Variants in DMD observed in about 807,000 individuals in gnomAD.
DMD encodes the protein mutant dystrophin.
Under a neutral mutation model 330.1 loss-of-function variants are expected in DMD, and 63 were observed. The ratio of observed to expected loss-of-function variants is 0.19; its 90% CI spans 0.16 to 0.24. The LOEUF (loss-of-function observed/expected upper bound fraction) is 0.24. DMD is among the 10% of genes least tolerant of loss of function. The probability of loss-of-function intolerance (pLI) is 1.00; values close to 1 mark genes in which losing one functional copy is unlikely to be tolerated. For synonymous variants in DMD, 1,223 were observed against 959.8 expected (o/e 1.27, Z -5.07); for missense variants, 3,344 against 2,684.1 (o/e 1.25, Z -5.43).
At chrX:33,180,508 C>T (rs1235651464) in intron 1 of DMD, among the ~76,000 whole-genome samples, 1 of 111,215 alleles carries the variant, frequency 9.0e-6, no homozygotes, top group African/African-American at 3.3e-5. Flanking sequence ...ATGCCTGCTA[C>T]CCATTTCATC....
intron 2 of DMD, among the ~76,000 whole-genome samples, chrX:32,851,497 G>A (rs765235076): frequency 8.9e-6 from 1 of 112,126 alleles, no homozygotes. Context: ...CAAATACATG[G>A]AACCTTCCAG....
chrX:32,972,707 T>C (rs1190304951), intron 2 of DMD, among the ~76,000 whole-genome samples: 1 of 112,023 alleles, frequency 8.9e-6, no homozygotes, highest in East Asian at 2.8e-4. Flanking sequence ...TAACATTTAT[T>C]AGTGGGACGA....
At chrX:33,079,656 A>G (rs777857283) in intron 1 of DMD, among the ~76,000 whole-genome samples, 5 of 111,842 alleles carry the variant, frequency 4.5e-5, no homozygotes, top group African/African-American at 6.5e-5. Context: ...CCTAATATCT[A>G]AAAGATTAGG....
In DMD at chrX:32,454,793, T is replaced by C. The variant is rs182728059; in HGVS notation, c.3472A>G (p.Lys1158Glu). 36 of 1,205,251 alleles carry C rather than the reference T, an allele frequency of 3.0e-5. No individual in the cohort carries two copies. In the East Asian group the frequency reaches 9.8e-4, roughly 33 times the overall value. Reference sequence around the variant, plus strand: ...AGATCTTTCTGGAGGCTTACAGTTTTCTCCAAACCTCCCTTCAAGGCCTCC... The same window carrying C: ...AGATCTTTCTGGAGGCTTACAGTTTCCTCCAAACCTCCCTTCAAGGCCTCC... The part of the protein sequence containing the change: ...RKEALKGGLE[K>E]TVSLQKDLSE... Residue 1158 changes from lysine (K) to glutamate (E), a missense_variant, in exon 26 of 79, where the codon AAA becomes GAA. Physicochemically the swap from Lys to Glu is moderately conservative, Grantham distance 56. Transcript: ENST00000357033.
chrX:32,723,213 T>C (rs890862307), intron 7 of DMD, among the ~76,000 whole-genome samples: 4 of 111,773 alleles, frequency 3.6e-5, no homozygotes, highest in Non-Finnish European at 7.5e-5. Context: ...ATCTTTCTGT[T>C]AATGTAGTAT....
At chrX:32,977,727 C>A (rs1052501460) in intron 2 of DMD, among the ~76,000 whole-genome samples, 12 of 108,922 alleles carry the variant, frequency 1.1e-4, no homozygotes, top group Non-Finnish European at 2.3e-4. Context: ...ATATATATAT[C>A]ACACTGATAT....
chrX:32,390,057 G>A lies in DMD; in HGVS notation c.4344+14C>T, dbSNP rs1261048046. 8.5e-7 allele frequency: 1 copy of A among 1,176,650 alleles called. No individual in the cohort carries two copies. ...AACGAAAACACGTTCCTTAGTTTCT[G>A]AAATAACATATACCTGTGCAACATC... On this transcript the variant is annotated intron_variant, in intron 31 of 78. Coordinates refer to ENST00000357033, the MANE Select transcript of DMD (RefSeq NM_004006.3).
intron 62 of DMD, among the ~76,000 whole-genome samples, chrX:31,310,914 A>C (rs1437396711): frequency 9.0e-6 from 1 of 110,981 alleles, no homozygotes; most frequent in Non-Finnish European, 1.9e-5. Context: ...TTATCTTCAA[A>C]AACATATTAA....
chrX:32,085,463 T>A (rs1055759602), intron 44 of DMD, among the ~76,000 whole-genome samples: 8 of 108,201 alleles, frequency 7.4e-5, no homozygotes, highest in Non-Finnish European at 1.5e-4. Flanking sequence ...CAGTCTCCAA[T>A]GCTTATCACT....
chrX:31,888,918 C>T (rs5972459), intron 47 of DMD, among the ~76,000 whole-genome samples: 31,772 of 111,030 alleles, frequency 0.29, 3,391 homozygotes, highest in African/African-American at 0.32. Flanking sequence ...CTTTTTAAAG[C>T]ATGTGGATTT....
intron 44 of DMD, among the ~76,000 whole-genome samples, chrX:31,975,172 G>C (rs1220183014): frequency 9.0e-6 from 1 of 110,969 alleles, no homozygotes; most frequent in Non-Finnish European, 1.9e-5. Flanking sequence ...TTTAAATCTG[G>C]TCCCAGACAT....
At chrX:32,196,860 C>A (rs1442030888) in intron 44 of DMD, among the ~76,000 whole-genome samples, 1 of 108,581 alleles carries the variant, frequency 9.2e-6, no homozygotes, top group Non-Finnish European at 1.9e-5. Flanking sequence ...GTAGCCAGCG[C>A]CTGTAGTACC....
intron 53 of DMD, among the ~76,000 whole-genome samples, chrX:31,675,120 G>A (rs1439691441): frequency 8.9e-6 from 1 of 112,047 alleles, no homozygotes; most frequent in African/African-American, 3.2e-5. Context: ...TCATGTTTTT[G>A]TTTTAGAAAA....
intron 60 of DMD, among the ~76,000 whole-genome samples, chrX:31,361,770 C>CT (rs1174751121): frequency 0.032 from 2,947 of 93,346 alleles, 183 homozygotes; most frequent in African/African-American, 0.099. Flanking sequence ...CTCTTACCAT[C>CT]TTTTTTTTTT....
intron 61 of DMD, among the ~76,000 whole-genome samples, chrX:31,336,913 C>CTT (rs1342111560): frequency 1.0e-5 from 1 of 100,136 alleles, no homozygotes; most frequent in Non-Finnish European, 2.0e-5. Context: ...CCATGTTATT[C>CTT]TTTTCTTTCT....
intron 2 of DMD, among the ~76,000 whole-genome samples, chrX:33,018,706 T>C (rs1349384768): frequency 8.9e-6 from 1 of 111,958 alleles, no homozygotes; most frequent in Non-Finnish European, 1.9e-5. Flanking sequence ...TTTGAAAATA[T>C]GTCTCTTGTC....
intron 41 of DMD, among the ~76,000 whole-genome samples, chrX:32,325,393 T>C (rs1165516591): frequency 2.7e-5 from 3 of 111,603 alleles, no homozygotes; most frequent in Admixed American, 9.6e-5. Context: ...TCAAGGTAAA[T>C]TGAGTCTTTA....
intron 55 of DMD, among the ~76,000 whole-genome samples, chrX:31,549,429 T>C (rs973093734): frequency 9.0e-6 from 1 of 111,683 alleles, no homozygotes; most frequent in African/African-American, 3.2e-5. Context: ...TTTAAGAATA[T>C]AAACCTATTC....
chrX:32,319,207 G>A (rs181421603), intron 41 of DMD, among the ~76,000 whole-genome samples: 1 of 110,936 alleles, frequency 9.0e-6, no homozygotes, highest in African/African-American at 3.3e-5. Flanking sequence ...AAAGGGCTTT[G>A]GTTGCCACCA....
Sources: gnomAD v4.1 joint callset for allele counts (sites outside exome capture counted in the v4.1 genomes callset) on GRCh38, gnomAD v4.1.1 for gene constraint, MANE v1.5 for transcripts, NCBI Gene and HGNC (gene_info 2026-07-23, HGNC 2026-07-21) for gene names.